The following SYNE3 variants were observed in gnomAD, a reference collection of about 807,000 sequenced individuals.
SYNE3 encodes the protein spectrin repeat containing nuclear envelope family member 3.
SYNE3 carries 100 observed loss-of-function variants against 111.2 expected under a neutral mutation model. The observed-to-expected ratio is 0.90, with a 90% CI of 0.77 to 1.06. The LOEUF is 1.06. Ranked by LOEUF, SYNE3 falls within the 50% of genes least tolerant of loss-of-function variation. SYNE3 has a pLI of 0.00. For missense variants in SYNE3, 1,160 were observed against 1,240.3 expected (o/e 0.94, Z 0.97); for synonymous variants, 547 against 533.9 (o/e 1.02, Z -0.34).
intron 17 of SYNE3, among the ~76,000 whole-genome samples, chr14:95,422,086 T>A (rs1885160343): frequency 1.3e-5 from 2 of 152,104 alleles, no homozygotes; most frequent in South Asian, 2.1e-4. Flanking sequence ...TCAGTAAGTA[T>A]TTGCTGAATG....
At chr14:95,495,256 C>A (rs1890039593) in intron 1 of SYNE3, among the ~76,000 whole-genome samples, 1 of 152,208 alleles carries the variant, frequency 6.6e-6, no homozygotes, top group Non-Finnish European at 1.5e-5. Context: ...TGTCTGTGCC[C>A]AGTCTGTCCT....
chr14:95,478,486 C>G (rs557842402), intron 1 of SYNE3, among the ~76,000 whole-genome samples: 1 of 152,310 alleles, frequency 6.6e-6, no homozygotes, highest in African/African-American at 2.4e-5. Flanking sequence ...TGGGTCCTCC[C>G]TTTTTCTGCC....
intron 1 of SYNE3, among the ~76,000 whole-genome samples, chr14:95,506,203 A>T (rs576396121): frequency 6.6e-6 from 1 of 152,308 alleles, no homozygotes; most frequent in Admixed American, 6.5e-5. Flanking sequence ...CCAAGATCTA[A>T]TCTAGTCTAA....
chr14:95,439,835 G>A (rs765061220), intron 12 of SYNE3, 51 bp from the exon 13 acceptor site: 1 of 1,591,000 alleles, frequency 6.3e-7, no homozygotes, highest in Non-Finnish European at 8.6e-7. Context: ...GTGGAGGGAG[G>A]TTTCTGCTCC....
At chr14:95,515,368 C>A (rs768104374) in intron 1 of SYNE3, among the ~76,000 whole-genome samples, 4 of 152,210 alleles carry the variant, frequency 2.6e-5, no homozygotes, top group Non-Finnish European at 5.9e-5. Context: ...CACTGATATG[C>A]CCCTCCCACC....
At chr14:95,431,978 C>T in intron 17 of SYNE3, 101 bp downstream of exon 17, 1 of 1,362,048 alleles carries the variant, frequency 7.3e-7, no homozygotes, top group Non-Finnish European at 1.0e-6. Context: ...CTTCCTGGAA[C>T]CTTCCAGAAA....
intron 2 of SYNE3, among the ~76,000 whole-genome samples, chr14:95,472,783 C>A (rs955178773): frequency 6.6e-6 from 1 of 152,182 alleles, no homozygotes; most frequent in Non-Finnish European, 1.5e-5. Context: ...AGCCCCCACC[C>A]CACGAGGATT....
At chr14:95,432,759 C>T (rs1267760589) in intron 16 of SYNE3, among the ~76,000 whole-genome samples, 1 of 151,896 alleles carries the variant, frequency 6.6e-6, no homozygotes, top group South Asian at 2.1e-4. Flanking sequence ...AGACATGGGG[C>T]TGGACCCCAG....
At chr14:95,516,333 G>C (rs1566695074) in intron 1 of SYNE3, 1 of 152,214 alleles carries the variant, frequency 6.6e-6, no homozygotes, top group African/African-American at 2.4e-5. Context: ...GAAGCTCCCC[G>C]GGGTTGAAAG....
rs1257916963 is a variant in SYNE3, at chr14:95,500,864, A to C, written c.-15+15732T>G. 6.6e-6 allele frequency among the ~76,000 whole-genome samples: 1 copy of C among 152,188 alleles called. No individual in the cohort carries two copies. Among genetic ancestry groups the C allele is most frequent in the African/African-American group, 2.4e-5 (1 of 41,452 alleles). ...CACGAGCCCCATTCTTTGTACTCCC[A>C]GTGGGGGATCGGGGGCGGTGAAGCG... is the stretch of plus-strand genomic sequence containing the variant. On this transcript the variant is annotated intron_variant, in intron 1 of 17. Transcript: ENST00000682763. This position sits in a 1 kb window ranked among gnomAD's most constrained non-coding sequence, Gnocchi z 4.7.
rs1903381761 is a variant in SYNE3, at chr14:95,409,582, G to A, written c.*8244C>T. The A allele has an allele frequency of 2.7e-6, 1 of 368,804 alleles. No individual in the cohort carries two copies. Among genetic ancestry groups the A allele is most frequent in the South Asian group, 2.1e-5 (1 of 48,740 alleles). 22.8% of individuals were successfully genotyped at this position (368,804 alleles called of 1,614,324 possible). A position where few individuals can be genotyped will look rare whatever the true frequency, so the allele number is the denominator to read the frequency against. ...CCATGACAACCGGAGAGCAGGTGCT[G>A]GGAGATGCTGAGTCCTGCTGACTGT... On this transcript the variant is annotated 3_prime_UTR_variant, in exon 18 of 18. Coordinates refer to ENST00000682763, the MANE Select transcript of SYNE3 (RefSeq NM_152592.6).
Position 95,436,815 on chromosome 14 carries a change from C to G in SYNE3, c.2538+5G>C, listed in dbSNP as rs376157244. The G allele has an allele frequency of 6.8e-6, 11 of 1,613,828 alleles. No individual in the cohort carries two copies. The highest frequency in any genetic ancestry group is 1.1e-5 in the South Asian group (1 of 91,068). ...TGGATGAGGGACCTTTCCTGGGGAA[C>G]AGACCTGCAGCTTCGATTTTCTGGT... On this transcript the variant is annotated splice_donor_5th_base_variant and intron_variant, in intron 15 of 17. Coordinates refer to ENST00000682763, the MANE Select transcript of SYNE3 (RefSeq NM_152592.6).
At chr14:95,473,696 T>C (rs912736830) in intron 2 of SYNE3, among the ~76,000 whole-genome samples, 1 of 150,594 alleles carries the variant, frequency 6.6e-6, no homozygotes, top group Non-Finnish European at 1.5e-5. Context: ...CTAAGGCTGG[T>C]GTGAGCTTGC....
At chr14:95,496,650 AT>A (rs1890103713) in intron 1 of SYNE3, among the ~76,000 whole-genome samples, 1 of 152,196 alleles carries the variant, frequency 6.6e-6, no homozygotes, top group African/African-American at 2.4e-5. Context: ...GAAGATAAGA[AT>A]ATGTTTGCCA....
chr14:95,479,342 G>C (rs1889090509), intron 1 of SYNE3, among the ~76,000 whole-genome samples: 1 of 151,494 alleles, frequency 6.6e-6, no homozygotes, highest in Non-Finnish European at 1.5e-5. Flanking sequence ...GGGTGACAGA[G>C]AGAGATTCTG....
intron 17 of SYNE3, among the ~76,000 whole-genome samples, chr14:95,419,623 G>A (rs1240987044): frequency 3.3e-5 from 5 of 150,594 alleles, no homozygotes; most frequent in Non-Finnish European, 5.9e-5. Context: ...GATAGTGATA[G>A]TGACCATGGC....
At chr14:95,473,988 A>G (rs1397097246) in intron 2 of SYNE3, among the ~76,000 whole-genome samples, 61 of 92,392 alleles carry the variant, frequency 6.6e-4, no homozygotes, top group South Asian at 1.2e-3. Flanking sequence ...AGCTAAGGCC[A>G]GTGTGAGCTT....
rs1476185596 is a variant in SYNE3 at position 95,433,422 on chromosome 14, G to A, written c.2539-13C>T. 1.2e-6 allele frequency: 2 copies of A among 1,613,466 alleles called. No homozygotes were observed. Among genetic ancestry groups the A allele is most frequent in the Non-Finnish European group, 1.7e-6 (2 of 1,179,604 alleles). ...GAGCCTCCAGCTCCTGGGGGAAACA[G>A]CAGCGTCATGGTGCGGCTTCCAAAT... On this transcript the variant is annotated splice_polypyrimidine_tract_variant and intron_variant, in intron 15 of 17. Coordinates refer to ENST00000682763, the MANE Select transcript of SYNE3 (RefSeq NM_152592.6).
intron 1 of SYNE3, among the ~76,000 whole-genome samples, chr14:95,494,024 T>C (rs1274552888): frequency 1.3e-5 from 2 of 152,102 alleles, no homozygotes; most frequent in Non-Finnish European, 2.9e-5. Context: ...AATTCAAATC[T>C]AACACCATTT....
Sources: allele counts gnomAD v4.1 joint callset (sites outside exome capture counted in the v4.1 genomes callset), GRCh38; gene constraint gnomAD v4.1.1; non-coding constraint Gnocchi (gnomAD v3.1); transcripts MANE v1.5; gene names NCBI Gene and HGNC (gene_info 2026-07-23, HGNC 2026-07-21).